CERKL: variants seen among roughly 807,000 people sequenced by gnomAD.
The protein encoded by CERKL is ceramide kinase-like protein.
Under a neutral mutation model 63.4 loss-of-function variants are expected in CERKL, and 61 were observed. The ratio of observed to expected loss-of-function variants is 0.96; its 90% CI spans 0.78 to 1.19. The LOEUF (loss-of-function observed/expected upper bound fraction) is 1.19, where lower values mean the gene tolerates loss of function less well. Ranked by LOEUF, CERKL falls within the 50% of genes most tolerant of loss-of-function variation. The probability of loss-of-function intolerance (pLI) is 0.00; values close to 1 mark genes in which losing one functional copy is unlikely to be tolerated. For synonymous variants in CERKL, 250 were observed against 230.5 expected, an observed-to-expected ratio of 1.08 and a Z score of -0.77; for missense variants, 675 against 655.5, an observed-to-expected ratio of 1.03 and a Z score of -0.33.
chr2:181,557,417 G>T (rs760972960), intron 5 of CERKL, among the ~76,000 whole-genome samples: 5 of 152,098 alleles, frequency 3.3e-5, no homozygotes, highest in Admixed American at 3.3e-4. Flanking sequence ...TAATTTTTGT[G>T]TAAGGTGTAA....
intron 1 of CERKL, among the ~76,000 whole-genome samples, chr2:181,622,918 T>C (rs946734475): frequency 6.6e-6 from 1 of 152,218 alleles, no homozygotes; most frequent in Admixed American, 6.5e-5. Context: ...TGTTTGAGAA[T>C]GTGGGACTAC....
chr2:181,648,239 A>C (rs1421459395), intron 1 of CERKL, among the ~76,000 whole-genome samples: 1 of 152,194 alleles, frequency 6.6e-6, no homozygotes, highest in Non-Finnish European at 1.5e-5. Flanking sequence ...TTATAGTCAA[A>C]CTGTCAAAAG....
intron 2 of CERKL, among the ~76,000 whole-genome samples, chr2:181,575,314 C>T (rs1689083297): frequency 6.6e-6 from 1 of 152,224 alleles, no homozygotes; most frequent in African/African-American, 2.4e-5. Context: ...TGCTCCCAAT[C>T]CCACTCACTC....
chr2:181,604,779 G>A (rs1347309964), intron 1 of CERKL, among the ~76,000 whole-genome samples: 1 of 152,018 alleles, frequency 6.6e-6, no homozygotes, highest in Non-Finnish European at 1.5e-5. Context: ...GGAAGCAGAA[G>A]TACAATTATT....
chr2:181,651,934 A>G (rs1384390027), intron 1 of CERKL, among the ~76,000 whole-genome samples: 2 of 152,124 alleles, frequency 1.3e-5, no homozygotes, highest in Non-Finnish European at 2.9e-5. Flanking sequence ...ATACCTAGAA[A>G]TAAACAACCA....
At chr2:181,634,388 T>C (rs906993894) in intron 1 of CERKL, among the ~76,000 whole-genome samples, 9 of 152,164 alleles carry the variant, frequency 5.9e-5, no homozygotes, top group Admixed American at 1.3e-4. Context: ...TATGGCAATA[T>C]GATAATATCC....
At chr2:181,539,374 ATT>A (rs1687384260) in intron 11 of CERKL, 110 bp from the exon 12 acceptor site, 3 of 715,102 alleles carry the variant, frequency 4.2e-6, no homozygotes, top group Non-Finnish European at 7.2e-6. Context: ...GTATGCTGAC[ATT>A]TTAATAGCTT....
intron 1 of CERKL, among the ~76,000 whole-genome samples, chr2:181,623,324 A>C (rs1686537874): frequency 6.6e-6 from 1 of 152,198 alleles, no homozygotes; most frequent in Non-Finnish European, 1.5e-5. Context: ...TAGATCAATA[A>C]AACAGAGTTC....
intron 3 of CERKL, among the ~76,000 whole-genome samples, chr2:181,567,697 G>T (rs781774519): frequency 3.3e-5 from 5 of 152,102 alleles, no homozygotes; most frequent in Admixed American, 6.5e-5. Context: ...TCAGGAATTT[G>T]CATTCTGGAG....
At chr2:181,595,222 T>TTTAAG (rs200552544) in intron 2 of CERKL, among the ~76,000 whole-genome samples, 35,024 of 151,806 alleles carry the variant, frequency 0.23, 7,528 homozygotes, top group African/African-American at 0.57. Flanking sequence ...TTAAAATTCC[T>TTTAAG]TTAACAAAAA....
chr2:181,537,461 C>T lies in CERKL; in HGVS notation c.*723G>A, dbSNP rs1219450889. The T allele has an allele frequency of 4.5e-6, 2 of 448,978 alleles. No individual in the cohort carries two copies. Among genetic ancestry groups the T allele is most frequent in the African/African-American group, 2.0e-5 (1 of 49,902 alleles). The allele number at this position is 448,978 out of a possible 1,614,324, so 27.8% of individuals were successfully genotyped here. A position where few individuals can be genotyped will look rare whatever the true frequency, so the allele number is the denominator to read the frequency against. On this transcript the variant is annotated 3_prime_UTR_variant, in exon 13 of 13. Transcript: ENST00000410087. ...TGTATCATGAATTTTAAAACCCTACCACTTTAAGAAGACAGGGATGGGTTA... is the reference window on the plus strand; with the variant it reads ...TGTATCATGAATTTTAAAACCCTACTACTTTAAGAAGACAGGGATGGGTTA...
At chr2:181,600,798 C>A (rs1366895403) in intron 2 of CERKL, among the ~76,000 whole-genome samples, 7 of 152,166 alleles carry the variant, frequency 4.6e-5, no homozygotes, top group African/African-American at 1.7e-4. Context: ...GACAGATCAC[C>A]ATGGCAGAAA....
rs1167177481 is a variant in CERKL, at chr2:181,537,134, T to C, written c.*1050A>G. 1 of 453,600 alleles carries C rather than the reference T, an allele frequency of 2.2e-6. No homozygotes were observed. Among genetic ancestry groups the C allele is most frequent in the Non-Finnish European group, 4.4e-6 (1 of 226,644 alleles). The allele number at this position is 453,600 out of a possible 1,614,324, so 28.1% of individuals were successfully genotyped here. On this transcript the variant is annotated 3_prime_UTR_variant, in exon 13 of 13. Transcript: ENST00000410087. ...ACATTTATGTATTTTTAAAAAACTT[T>C]GTATCGTTATAAAAAGGCTAGTCAT...
intron 3 of CERKL, among the ~76,000 whole-genome samples, chr2:181,567,018 CT>C (rs1688695325): frequency 6.6e-6 from 1 of 152,050 alleles, no homozygotes; most frequent in Admixed American, 6.6e-5. Context: ...ATGGTTCAAG[CT>C]TTTCCTACAA....
intron 12 of CERKL, among the ~76,000 whole-genome samples, chr2:181,538,705 A>C (rs1167057292): frequency 6.6e-6 from 1 of 152,194 alleles, no homozygotes; most frequent in Non-Finnish European, 1.5e-5. Flanking sequence ...ATTATGAGTG[A>C]GAGGAAACTA....
intron 2 of CERKL, among the ~76,000 whole-genome samples, chr2:181,603,580 G>T (rs768622184): frequency 2.0e-5 from 3 of 152,154 alleles, no homozygotes; most frequent in Non-Finnish European, 4.4e-5. Context: ...GTTATTCCTG[G>T]AATGCAAGGA....
chr2:181,538,648 G>A (rs1162247566), intron 12 of CERKL, among the ~76,000 whole-genome samples: 2 of 152,068 alleles, frequency 1.3e-5, no homozygotes, highest in Non-Finnish European at 2.9e-5. Context: ...TGAATGCTCT[G>A]TAAAGGCCTA....
chr2:181,566,933 T>A (rs1688692644), intron 3 of CERKL, among the ~76,000 whole-genome samples: 1 of 152,162 alleles, frequency 6.6e-6, no homozygotes, highest in Admixed American at 6.6e-5. Flanking sequence ...GCAGATGGAT[T>A]TTTTGTGTAA....
intron 3 of CERKL, among the ~76,000 whole-genome samples, chr2:181,571,225 A>C (rs1003193721): frequency 3.3e-5 from 5 of 152,202 alleles, no homozygotes; most frequent in African/African-American, 1.2e-4. Context: ...TTATAAGCAA[A>C]TGATGTAATT....
Sources: allele counts gnomAD v4.1 joint callset (sites outside exome capture counted in the v4.1 genomes callset), GRCh38; gene constraint gnomAD v4.1.1; transcripts MANE v1.5; gene names NCBI Gene and HGNC (gene_info 2026-07-23, HGNC 2026-07-21).